ARHGAP15: variants seen among roughly 807,000 people sequenced by gnomAD.
ARHGAP15 encodes rho GTPase-activating protein 15.
In ARHGAP15, 51 loss-of-function variants were observed where a neutral mutation model predicts 63.7. The ratio of observed to expected loss-of-function variants is 0.80; its 90% CI spans 0.64 to 1.01. The LOEUF is 1.01. Ranked by LOEUF, ARHGAP15 falls within the 50% of genes least tolerant of loss-of-function variation. ARHGAP15 has a pLI of 0.00. For synonymous variants in ARHGAP15, 191 were observed against 193.8 expected (o/e 0.99, Z 0.12); for missense variants, 560 against 564.6 (o/e 0.99, Z 0.08).
chr2:143,180,836 G>T (rs1358846233), intron 2 of ARHGAP15, among the ~76,000 whole-genome samples: 1 of 151,950 alleles, frequency 6.6e-6, no homozygotes, highest in Non-Finnish European at 1.5e-5. Context: ...AACACGCCAG[G>T]CTAATTTTTT....
intron 6 of ARHGAP15, among the ~76,000 whole-genome samples, chr2:143,257,374 GAA>G (rs1195212435): frequency 6.6e-6 from 1 of 152,056 alleles, no homozygotes; most frequent in Non-Finnish European, 1.5e-5. Flanking sequence ...TAAAACAAAA[GAA>G]AAAAGTCAAC....
intron 11 of ARHGAP15, chr2:143,608,715 C>G (rs1200778418): frequency 1.3e-5 from 2 of 152,126 alleles, no homozygotes; most frequent in South Asian, 2.1e-4. Flanking sequence ...GTTGTAATTT[C>G]ATAACATGCA....
chr2:143,439,998 A>G (rs1160628014), intron 8 of ARHGAP15, among the ~76,000 whole-genome samples: 1 of 152,138 alleles, frequency 6.6e-6, no homozygotes, highest in Non-Finnish European at 1.5e-5. Flanking sequence ...ATTTTAGAAA[A>G]TGATTCTTTT....
At chr2:143,505,047 A>G (rs535990265) in intron 9 of ARHGAP15, among the ~76,000 whole-genome samples, 12 of 152,268 alleles carry the variant, frequency 7.9e-5, no homozygotes, top group African/African-American at 2.9e-4. Context: ...GCTTCTTTCC[A>G]CTGTGTCTGA....
chr2:143,588,294 T>A (rs1697187513), intron 11 of ARHGAP15, among the ~76,000 whole-genome samples: 1 of 152,150 alleles, frequency 6.6e-6, no homozygotes, highest in African/African-American at 2.4e-5. Context: ...AAGCTTTCTA[T>A]TTTTTTAATG....
chr2:143,164,537 G>A (rs1258136482), intron 2 of ARHGAP15, among the ~76,000 whole-genome samples: 1 of 151,776 alleles, frequency 6.6e-6, no homozygotes, highest in Non-Finnish European at 1.5e-5. Flanking sequence ...ATTTGCAATA[G>A]GACATATAGT....
intron 6 of ARHGAP15, among the ~76,000 whole-genome samples, chr2:143,375,975 C>A (rs559662059): frequency 1.1e-4 from 17 of 152,150 alleles, no homozygotes; most frequent in Non-Finnish European, 2.2e-4. Flanking sequence ...TTGTAAAATG[C>A]ACTATGCAAA....
At chr2:143,156,034 GAA>G (rs5834938) in intron 2 of ARHGAP15, among the ~76,000 whole-genome samples, 8 of 145,950 alleles carry the variant, frequency 5.5e-5, no homozygotes, top group Admixed American at 6.8e-5. Flanking sequence ...AATGAATTGA[GAA>G]AAAAAAAAAT....
chr2:143,425,515 A>G (rs1689106082), intron 6 of ARHGAP15, among the ~76,000 whole-genome samples: 1 of 152,034 alleles, frequency 6.6e-6, no homozygotes, highest in Admixed American at 6.6e-5. Context: ...TTACATGTAC[A>G]TATGTACTAT....
chr2:143,495,843 C>T (rs1285851959), intron 9 of ARHGAP15, among the ~76,000 whole-genome samples: 2 of 152,108 alleles, frequency 1.3e-5, no homozygotes, highest in Non-Finnish European at 2.9e-5. Context: ...AGACATGCTC[C>T]AACTTTGCCA....
intron 6 of ARHGAP15, chr2:143,295,363 T>G (rs1178975990): frequency 6.6e-6 from 1 of 152,016 alleles, no homozygotes; most frequent in African/African-American, 2.4e-5. Context: ...CCAAGTCATG[T>G]GGGCTCAGAA....
intron 13 of ARHGAP15, among the ~76,000 whole-genome samples, chr2:143,747,967 A>C (rs982970854): frequency 2.0e-5 from 3 of 152,180 alleles, no homozygotes; most frequent in Admixed American, 6.5e-5. Context: ...CTAAACTATC[A>C]TTTGTGTTCT....
chr2:143,707,763 C>T (rs1457006174), intron 13 of ARHGAP15, among the ~76,000 whole-genome samples: 1 of 152,094 alleles, frequency 6.6e-6, no homozygotes, highest in African/African-American at 2.4e-5. Flanking sequence ...CATCATATTG[C>T]CTTAGTAAAG....
At chr2:143,324,216 A>T (rs1684155181) in intron 6 of ARHGAP15, among the ~76,000 whole-genome samples, 3 of 152,224 alleles carry the variant, frequency 2.0e-5, no homozygotes, top group Admixed American at 2.0e-4. Flanking sequence ...ATTCGTATGT[A>T]ATCATTTCTT....
At chr2:143,767,588 G>A (rs1055883744) in intron 13 of ARHGAP15, among the ~76,000 whole-genome samples, 3 of 152,084 alleles carry the variant, frequency 2.0e-5, no homozygotes, top group Non-Finnish European at 4.4e-5. Flanking sequence ...TACTAATTGT[G>A]CAGACATTGT....
intron 6 of ARHGAP15, among the ~76,000 whole-genome samples, chr2:143,319,387 GC>G (rs1262348717): frequency 6.6e-6 from 1 of 151,892 alleles, no homozygotes; most frequent in Non-Finnish European, 1.5e-5. Flanking sequence ...ACCATGCCTG[GC>G]TAATTGTATT....
intron 2 of ARHGAP15, among the ~76,000 whole-genome samples, chr2:143,173,234 T>G (rs1690871112): frequency 6.6e-6 from 1 of 152,142 alleles, no homozygotes; most frequent in Non-Finnish European, 1.5e-5. Flanking sequence ...GTTTGTTTCA[T>G]GTACAAGTAT....
At chr2:143,360,219 TAAA>T (rs34612735) in intron 6 of ARHGAP15, among the ~76,000 whole-genome samples, 3 of 137,932 alleles carry the variant, frequency 2.2e-5, no homozygotes, top group African/African-American at 8.1e-5. Flanking sequence ...TACAAGGAAT[TAAA>T]AAAAAAAAAA....
At chr2:143,339,435 G>A (rs993685016) in intron 6 of ARHGAP15, among the ~76,000 whole-genome samples, 4 of 152,122 alleles carry the variant, frequency 2.6e-5, no homozygotes, top group Admixed American at 2.6e-4. Context: ...TAATGGGATA[G>A]CAAAGATGAA....
Sources: allele counts gnomAD v4.1 joint callset (sites outside exome capture counted in the v4.1 genomes callset), GRCh38; gene constraint gnomAD v4.1.1; transcripts MANE v1.5; gene names NCBI Gene and HGNC (gene_info 2026-07-23, HGNC 2026-07-21).